The following DCHS2 variants were observed in gnomAD, a reference collection of about 807,000 sequenced individuals.
The protein encoded by DCHS2 is dachsous cadherin-related 2, also known as protocadherin-23.
In DCHS2, 142 loss-of-function variants were observed where a neutral mutation model predicts 182.4. The ratio of observed to expected loss-of-function variants is 0.78; its 90% CI spans 0.68 to 0.89. The LOEUF is 0.89. Among genes scored for constraint, DCHS2 ranks in the 40% least tolerant of loss-of-function variants. DCHS2 has a pLI of 0.00. For synonymous variants in DCHS2, 1,740 were observed against 1,663.3 expected, an observed-to-expected ratio of 1.05 and a Z score of -1.12; for missense variants, 4,319 against 4,198.6, an observed-to-expected ratio of 1.03 and a Z score of -0.79.
intron 1 of DCHS2, among the ~76,000 whole-genome samples, chr4:154,408,874 C>G (rs1400870030): frequency 6.6e-6 from 1 of 152,178 alleles, no homozygotes; most frequent in Non-Finnish European, 1.5e-5. Flanking sequence ...ACCTACAGAC[C>G]TCACCACTGG....
At chr4:154,376,870 G>A (rs1391571553) in intron 2 of DCHS2, among the ~76,000 whole-genome samples, 2 of 152,172 alleles carry the variant, frequency 1.3e-5, no homozygotes, top group African/African-American at 4.8e-5. Context: ...AGGCCTGACT[G>A]TTACAGATGG....
At position 154,438,543 on chromosome 4, in the gene DCHS2, G is replaced by C. The variant is rs188091223; in HGVS notation, c.2052+50761C>G. Reference sequence around the variant, plus strand: ...TCTTGCAGAACTTTAGGATAATCTTGCCAAGTTTAATTTCCCATGGGTTTT... The same window carrying C: ...TCTTGCAGAACTTTAGGATAATCTTCCCAAGTTTAATTTCCCATGGGTTTT... On this transcript the variant is annotated intron_variant, in intron 1 of 19. Coordinates refer to ENST00000357232, the MANE Select transcript of DCHS2 (RefSeq NM_001358235.2). Among the ~76,000 whole-genome samples the C allele has an allele frequency of 5.8e-4, 88 of 152,144 alleles. 1 individual carries two copies. Among genetic ancestry groups the C allele is most frequent in the Middle Eastern group, 3.4e-3 (1 of 294 alleles).
chr4:154,341,219 A>G (rs1057408634), intron 3 of DCHS2, among the ~76,000 whole-genome samples: 2 of 152,002 alleles, frequency 1.3e-5, no homozygotes, highest in African/African-American at 4.8e-5. Context: ...ATACAAAAAA[A>G]TTAGCCGGGC....
At chr4:154,251,584 T>A (rs1732361916) in intron 16 of DCHS2, among the ~76,000 whole-genome samples, 1 of 152,172 alleles carries the variant, frequency 6.6e-6, no homozygotes, top group Non-Finnish European at 1.5e-5. Context: ...AGTGGTGCGA[T>A]CTCAGCTCAC....
intron 1 of DCHS2, among the ~76,000 whole-genome samples, chr4:154,422,118 C>A (rs911447322): frequency 1.3e-5 from 2 of 152,280 alleles, no homozygotes; most frequent in African/African-American, 2.4e-5. Context: ...GGCTGATGCA[C>A]CCTCTTCTAG....
chr4:154,353,768 C>T (rs987937140), intron 3 of DCHS2, among the ~76,000 whole-genome samples: 17 of 152,212 alleles, frequency 1.1e-4, no homozygotes, highest in African/African-American at 4.1e-4. Flanking sequence ...CCCTGACTAC[C>T]TGCATTAAAA....
In DCHS2 at chr4:154,489,586, G is replaced by A. The variant is rs1728716850; in HGVS notation, c.1770C>T (p.Gly590=). 6.4e-7 allele frequency: 1 copy of A among 1,550,666 alleles called. No individual in the cohort carries two copies. Among genetic ancestry groups the A allele is most frequent in the Non-Finnish European group, 8.7e-7 (1 of 1,146,364 alleles). Residue 590 remains glycine, a synonymous_variant, in exon 1 of 20, where the codon GGC becomes GGT. Coordinates refer to ENST00000357232, the MANE Select transcript of DCHS2 (RefSeq NM_001358235.2). The part of the protein sequence containing the change: ...VVQLSAPCNL[G]SLQSKMVHTA... ...TGTGGACCATCTTTGATTGCAGGGA[G>A]CCGAGATTGCAGGGAGCCGAGAGTT...
chr4:154,489,907 G>A lies in DCHS2; in HGVS notation c.1449C>T (p.Gly483=), dbSNP rs896702320. ...GGEGDFALLP[G]GPPGVFFLCV... The stretch of plus-strand genomic sequence containing the variant: ...AAAGGAAAAATACCCCTGGGGGGCC[G>A]CCGGGTAGCAACGCGAAGTCTCCCT... Residue 483 remains glycine (G), a synonymous_variant, in exon 1 of 20, where the codon GGC becomes GGT. Coordinates refer to ENST00000357232, the MANE Select transcript of DCHS2 (RefSeq NM_001358235.2). 6 of 1,538,284 alleles carry A rather than the reference G, an allele frequency of 3.9e-6. No homozygotes were observed. The highest frequency in any genetic ancestry group is 1.4e-5 in the African/African-American group (1 of 72,550).
At chr4:154,267,398 A>C (rs1442343791) in intron 14 of DCHS2, among the ~76,000 whole-genome samples, 5 of 152,138 alleles carry the variant, frequency 3.3e-5, no homozygotes, top group Admixed American at 3.3e-4. Context: ...ATATTAACAG[A>C]ACTTTGAATT....
At position 154,236,183 on chromosome 4, in the gene DCHS2, A is replaced by T. The variant is rs917040636; in HGVS notation, c.8469T>A (p.Asp2823Glu). The T allele has an allele frequency of 1.2e-6, 2 of 1,613,918 alleles. No homozygotes were observed. The highest frequency in any genetic ancestry group is 2.2e-5 in the South Asian group (2 of 91,080). Residue 2823 changes from aspartate to glutamate, a missense_variant, in exon 20 of 20, where the codon GAT (aspartate) becomes GAA (glutamate). Asp to Glu is a conservative substitution (Grantham distance 45). Transcript: ENST00000357232. ...CTGTCAAAGGGTCAATGAGGAAGAG[A>T]TCATGATCATAAGACATTCCATGAG... ...FLTHGMSYDH[D>E]LFLIDPLTGD...
At chr4:154,412,162 A>G (rs905516290) in intron 1 of DCHS2, among the ~76,000 whole-genome samples, 3 of 152,220 alleles carry the variant, frequency 2.0e-5, no homozygotes, top group African/African-American at 7.2e-5. Context: ...AGAGAGAGAA[A>G]AAAAGCACAA....
chr4:154,252,800 T>C (rs1732444504), intron 16 of DCHS2, among the ~76,000 whole-genome samples: 1 of 152,114 alleles, frequency 6.6e-6, no homozygotes, highest in Non-Finnish European at 1.5e-5. Context: ...GTCGATATAG[T>C]GATTTCTTTT....
chr4:154,405,146 A>G (rs1177760540), intron 1 of DCHS2, among the ~76,000 whole-genome samples: 1 of 152,160 alleles, frequency 6.6e-6, no homozygotes, highest in Non-Finnish European at 1.5e-5. Flanking sequence ...TCTGCTCGGG[A>G]GGCAGAGGCA....
intron 3 of DCHS2, among the ~76,000 whole-genome samples, chr4:154,357,707 T>G (rs1200434626): frequency 6.6e-6 from 1 of 152,178 alleles, no homozygotes. Context: ...TTCTTCTTAC[T>G]GCTCATGCCA....
intron 1 of DCHS2, among the ~76,000 whole-genome samples, chr4:154,465,523 G>A (rs1051376816): frequency 1.3e-5 from 2 of 152,044 alleles, no homozygotes; most frequent in Non-Finnish European, 2.9e-5. Context: ...GCAAAAATTA[G>A]CCAGGCATGG....
At chr4:154,259,495 C>T in intron 15 of DCHS2, 50 bp downstream of exon 15, 1 of 1,585,596 alleles carries the variant, frequency 6.3e-7, no homozygotes, top group Non-Finnish European at 8.6e-7. Flanking sequence ...CTCACACAGA[C>T]ACACCCACAC....
At chr4:154,462,366 T>A (rs1345928899) in intron 1 of DCHS2, among the ~76,000 whole-genome samples, 3 of 152,220 alleles carry the variant, frequency 2.0e-5, no homozygotes, top group Non-Finnish European at 4.4e-5. Context: ...TATGTTTGCA[T>A]ATTGTTTTAC....
At chr4:154,295,771 A>G (rs936750035) in intron 13 of DCHS2, among the ~76,000 whole-genome samples, 2 of 152,200 alleles carry the variant, frequency 1.3e-5, no homozygotes, top group East Asian at 1.9e-4. Context: ...TATGCCCAGT[A>G]GAGCCATCAC....
chr4:154,236,608 T>A lies in DCHS2; in HGVS notation c.8044A>T (p.Ser2682Cys). 3 of 1,613,982 alleles carry A rather than the reference T, an allele frequency of 1.9e-6. No individual in the cohort carries two copies. The highest frequency in any genetic ancestry group is 2.5e-6 in the Non-Finnish European group (3 of 1,179,916). ...TTTGCTGAGACCACAGTGATGTGAC[T>A]CCCTAGAGGGGTGCTTTCCTTGACA... ...THVKESTPLG[S>C]HITVVSANDR... Residue 2682 changes from serine (S) to cysteine (C), a missense_variant, in exon 20 of 20, where the codon AGT becomes TGT. Ser to Cys is a moderately radical substitution (Grantham distance 112). Transcript: ENST00000357232.
Sources: allele counts gnomAD v4.1 joint callset (sites outside exome capture counted in the v4.1 genomes callset), GRCh38; gene constraint gnomAD v4.1.1; transcripts MANE v1.5; gene names NCBI Gene and HGNC (gene_info 2026-07-23, HGNC 2026-07-21).